Variants in ADRA1D observed in about 807,000 individuals in gnomAD.
ADRA1D encodes adrenoceptor alpha 1D, also known as alpha-1D adrenergic receptor.
Under a neutral mutation model 18.6 loss-of-function variants are expected in ADRA1D, and 22 were observed. That is an observed-to-expected ratio of 1.19 (90% CI 0.85 to 1.69). The LOEUF (loss-of-function observed/expected upper bound fraction) is 1.69, where lower values mean the gene tolerates loss of function less well. Ranked by LOEUF, ADRA1D falls within the 40% of genes most tolerant of loss-of-function variation. ADRA1D has a pLI of 0.00. For synonymous variants in ADRA1D, 376 were observed against 388.2 expected (o/e 0.97, Z 0.37); for missense variants, 840 against 840.7 (o/e 1.00, Z 0.01).
intron 1 of ADRA1D, among the ~76,000 whole-genome samples, chr20:4,228,776 G>A (rs1980880214): frequency 6.6e-6 from 1 of 152,174 alleles, no homozygotes; most frequent in Non-Finnish European, 1.5e-5. Context: ...CCTACCCAAG[G>A]TTAGTGTCCC....
In ADRA1D at chr20:4,243,318, C is replaced by G. The variant is rs549580033; in HGVS notation, c.1111+4529G>C. Among the ~76,000 whole-genome samples the G allele has an allele frequency of 2.0e-5, 3 of 149,390 alleles. No homozygotes were observed. The Admixed American group carries it at 2.0e-4, about 10-fold the overall frequency. On this transcript the variant is annotated intron_variant, in intron 1 of 1. Coordinates refer to ENST00000379453, the MANE Select transcript of ADRA1D (RefSeq NM_000678.4). ...AGCAGGCTCTCACTGCGGCCCCTCCCACACTCACTCTACAAGTCTGGGCTC... is the reference window on the plus strand; with the variant it reads ...AGCAGGCTCTCACTGCGGCCCCTCCGACACTCACTCTACAAGTCTGGGCTC...
Position 4,248,393 on chromosome 20 carries a change from T to G in ADRA1D, c.565A>C (p.Thr189Pro). 1 of 1,610,162 alleles carries G rather than the reference T, an allele frequency of 6.2e-7. No individual in the cohort carries two copies. Among genetic ancestry groups the G allele is most frequent in the Non-Finnish European group, 8.5e-7 (1 of 1,178,400 alleles). The change falls in exon 1 of 2, where the codon ACC (threonine) becomes CCC (proline). Residue 189 changes from threonine to proline, a missense_variant. Coordinates refer to ENST00000379453, the MANE Select transcript of ADRA1D (RefSeq NM_000678.4). ...CCTASILSLC[T>P]ISVDRYVGVR... is the part of the protein sequence containing the mutation. ...CCCACGTACCGGTCCACGGAGATGG[T>G]GCAGAGGCTGAGGATGGAGGCCGTG...
At chr20:4,235,053 C>A (rs552330870) in intron 1 of ADRA1D, among the ~76,000 whole-genome samples, 39 of 152,268 alleles carry the variant, frequency 2.6e-4, no homozygotes, top group African/African-American at 8.7e-4. Context: ...AGGGGTGAGT[C>A]GAGGGCACCG....
Position 4,248,593 on chromosome 20 carries a change from G to T in ADRA1D, c.365C>A (p.Ala122Asp). 1 of 1,613,574 alleles carries T rather than the reference G, an allele frequency of 6.2e-7. No homozygotes were observed. The highest frequency in any genetic ancestry group is 8.5e-7 in the Non-Finnish European group (1 of 1,179,928). ...AGNLLVILSV[A>D]CNRHLQTVTN... is the part of the protein sequence containing the mutation. ...GACGGTCTGCAGGTGGCGGTTGCAG[G>T]CCACTGAGAGGATGACAAGCAGGTT... is the stretch of plus-strand genomic sequence containing the variant. The change falls in exon 1 of 2, where the codon GCC becomes GAC. Residue 122 changes from alanine (A) to aspartate (D), a missense_variant. Transcript: ENST00000379453.
At chr20:4,225,705 C>T (rs143192018) in intron 1 of ADRA1D, among the ~76,000 whole-genome samples, 3 of 152,186 alleles carry the variant, frequency 2.0e-5, no homozygotes, top group East Asian at 1.9e-4. Flanking sequence ...TGTGAGCCAC[C>T]GTGCCTGGTT....
chr20:4,246,073 G>T (rs1981330557), intron 1 of ADRA1D, among the ~76,000 whole-genome samples: 1 of 152,122 alleles, frequency 6.6e-6, no homozygotes, highest in Non-Finnish European at 1.5e-5. Context: ...TAAGGGATTT[G>T]CCCACGGTTA....
rs1201285889 is a variant in ADRA1D, at chr20:4,239,144, G to A, written c.1111+8703C>T. ...AGGGGAGGAGGGGAAGGTCATTGTAGTCTCAAGGCCAGAGTGTCATCATGG... is the reference window on the plus strand; with the variant it reads ...AGGGGAGGAGGGGAAGGTCATTGTAATCTCAAGGCCAGAGTGTCATCATGG... On this transcript the variant is annotated intron_variant, in intron 1 of 1. Transcript: ENST00000379453. This position sits in a 1 kb window ranked among gnomAD's most constrained non-coding sequence, Gnocchi z 4.9. Among the ~76,000 whole-genome samples, 3 of 152,058 alleles carry A rather than the reference G, an allele frequency of 2.0e-5. No homozygotes were observed. The highest frequency in any genetic ancestry group is 2.1e-4 in the South Asian group (1 of 4,818).
At chr20:4,232,808 C>T (rs6076635) in intron 1 of ADRA1D, among the ~76,000 whole-genome samples, 1 of 152,196 alleles carries the variant, frequency 6.6e-6, no homozygotes, top group African/African-American at 2.4e-5. Flanking sequence ...AGGGGACAGC[C>T]TGCAGCCAAT....
intron 1 of ADRA1D, among the ~76,000 whole-genome samples, chr20:4,246,984 CT>C (rs35680236): frequency 0.041 from 6,190 of 152,172 alleles, 339 homozygotes; most frequent in East Asian, 0.31. Context: ...ATGGGTGGAT[CT>C]GACCCCGGGC....
At chr20:4,244,535 T>A (rs1221946428) in intron 1 of ADRA1D, among the ~76,000 whole-genome samples, 1 of 152,184 alleles carries the variant, frequency 6.6e-6, no homozygotes, top group Non-Finnish European at 1.5e-5. Context: ...CATCCAAGTT[T>A]CCAATGTTCT....
In ADRA1D at chr20:4,222,134, T is replaced by C. The variant is rs190503856; in HGVS notation, c.1112-4A>G. On this transcript the variant is annotated splice_region_variant and splice_polypyrimidine_tract_variant and intron_variant, in intron 1 of 1. Coordinates refer to ENST00000379453, the MANE Select transcript of ADRA1D (RefSeq NM_000678.4). This position sits in a 1 kb window ranked among gnomAD's most constrained non-coding sequence, Gnocchi z 4.3. ...TTCAGCTGCGGGAACAAGGAGCCTG[T>C]AGGGAGCAGAGACCGATACTATTTA... 7 of 1,611,626 alleles carry C rather than the reference T, an allele frequency of 4.3e-6. No homozygotes were observed. In the East Asian group the frequency reaches 9.0e-5, roughly 21 times the overall value.
At chr20:4,240,327 C>T (rs1004052905) in intron 1 of ADRA1D, among the ~76,000 whole-genome samples, 6 of 151,794 alleles carry the variant, frequency 4.0e-5, no homozygotes, top group African/African-American at 7.3e-5. Context: ...CAAAAATTTA[C>T]GAGGCAGCCA....
intron 1 of ADRA1D, among the ~76,000 whole-genome samples, chr20:4,230,218 A>G (rs946942753): frequency 1.3e-5 from 2 of 152,104 alleles, no homozygotes; most frequent in African/African-American, 4.8e-5. Context: ...CTTCTGTCCT[A>G]TTTGAGTCAT....
chr20:4,246,316 G>A (rs760785093), intron 1 of ADRA1D, among the ~76,000 whole-genome samples: 4 of 152,220 alleles, frequency 2.6e-5, no homozygotes, highest in Non-Finnish European at 5.9e-5. Flanking sequence ...AGCGAACCTT[G>A]TGCTTCAAGG....
At chr20:4,233,750 C>T (rs761924610) in intron 1 of ADRA1D, among the ~76,000 whole-genome samples, 12 of 152,072 alleles carry the variant, frequency 7.9e-5, no homozygotes, top group African/African-American at 2.2e-4. Context: ...TGAGTGTGCA[C>T]GTTTGTGTTC....
chr20:4,238,722 T>A (rs66620140), intron 1 of ADRA1D, among the ~76,000 whole-genome samples: 29,788 of 152,094 alleles, frequency 0.2, 3,859 homozygotes, highest in Non-Finnish European at 0.27. Flanking sequence ...CTTTGGAATA[T>A]TTACACCATG....
Position 4,220,776 on chromosome 20 carries a change from A to G in ADRA1D, c.*747T>C, listed in dbSNP as rs1455146063. 3 of 152,638 alleles carry G rather than the reference A, an allele frequency of 2.0e-5. No individual in the cohort carries two copies. Among genetic ancestry groups the G allele is most frequent in the Non-Finnish European group, 4.4e-5 (3 of 68,078 alleles). 9.5% of individuals were successfully genotyped at this position (152,638 alleles called of 1,614,324 possible). On this transcript the variant is annotated 3_prime_UTR_variant, in exon 2 of 2. Transcript: ENST00000379453. ...AAAATAGAAGTACTCTTACCAATAA[A>G]TATGTCTCAAAATGACAAATAAAGC...
intron 1 of ADRA1D, among the ~76,000 whole-genome samples, chr20:4,231,267 G>GTTATTATTATTATTATTA (rs58687402): frequency 0.026 from 3,541 of 138,816 alleles, 71 homozygotes; most frequent in East Asian, 0.062. Context: ...CTGGCTAATT[G>GTTATTATTATTATTATTA]TTATTATTAT....
chr20:4,221,317 G>A lies in ADRA1D; in HGVS notation c.*206C>T. 1.9e-6 allele frequency: 1 copy of A among 515,416 alleles called. No homozygotes were observed. Among genetic ancestry groups the A allele is most frequent in the Non-Finnish European group, 3.3e-6 (1 of 300,822 alleles). 31.9% of individuals were successfully genotyped at this position (515,416 alleles called of 1,614,324 possible). A position where few individuals can be genotyped will look rare whatever the true frequency, so the allele number is the denominator to read the frequency against. On this transcript the variant is annotated 3_prime_UTR_variant, in exon 2 of 2. Transcript: ENST00000379453. ...TCTAAGAAAAGAGTTCTGGGCACCT[G>A]AGTCCAGCAGGGGGCCCCACTACTT... is the stretch of plus-strand genomic sequence containing the variant.
Sources: allele counts gnomAD v4.1 joint callset (sites outside exome capture counted in the v4.1 genomes callset), GRCh38; gene constraint gnomAD v4.1.1; non-coding constraint Gnocchi (gnomAD v3.1); transcripts MANE v1.5; gene names NCBI Gene and HGNC (gene_info 2026-07-23, HGNC 2026-07-21).